ADTRP: variants seen among roughly 807,000 people sequenced by gnomAD.
The protein encoded by ADTRP is androgen dependent TFPI regulating protein.
Under a neutral mutation model 27.0 loss-of-function variants are expected in ADTRP, and 20 were observed. The ratio of observed to expected loss-of-function variants is 0.74; its 90% CI spans 0.52 to 1.08. ADTRP has a LOEUF of 1.08. Among genes scored for constraint, ADTRP ranks in the 50% least tolerant of loss-of-function variants. ADTRP has a pLI of 0.00. For synonymous variants in ADTRP, 101 were observed against 105.2 expected (o/e 0.96, Z 0.25); for missense variants, 251 against 275.0 (o/e 0.91, Z 0.62).
intron 1 of ADTRP, among the ~76,000 whole-genome samples, chr6:11,769,677 T>C (rs747632226): frequency 2.0e-5 from 3 of 151,658 alleles, no homozygotes; most frequent in Non-Finnish European, 4.4e-5. Flanking sequence ...CAAAATAATC[T>C]ATACTTATAT....
intron 3 of ADTRP, among the ~76,000 whole-genome samples, chr6:11,759,864 A>C (rs1034405032): frequency 6.6e-6 from 1 of 152,134 alleles, no homozygotes; most frequent in Non-Finnish European, 1.5e-5. Flanking sequence ...AGGCAGAACA[A>C]AAGGTGATGT....
chr6:11,754,768 A>G (rs565308228), intron 3 of ADTRP, among the ~76,000 whole-genome samples: 1 of 152,312 alleles, frequency 6.6e-6, no homozygotes, highest in South Asian at 2.1e-4. Context: ...ACGGAACTCC[A>G]CAGCCTACAG....
chr6:11,746,826 G>A (rs1253415570), intron 3 of ADTRP, among the ~76,000 whole-genome samples: 1 of 152,108 alleles, frequency 6.6e-6, no homozygotes, highest in African/African-American at 2.4e-5. Context: ...TTCCTTCCAG[G>A]CTAAGTCCTC....
At chr6:11,729,661 C>T (rs1046316730) in intron 4 of ADTRP, among the ~76,000 whole-genome samples, 6 of 152,280 alleles carry the variant, frequency 3.9e-5, no homozygotes, top group African/African-American at 1.2e-4. Context: ...AATGGAAATT[C>T]CTCCAGGCAG....
intron 3 of ADTRP, among the ~76,000 whole-genome samples, chr6:11,758,016 T>C (rs767536603): frequency 2.6e-5 from 4 of 152,180 alleles, no homozygotes; most frequent in Non-Finnish European, 5.9e-5. Context: ...CGGCTCAATA[T>C]TCCTCATACT....
intron 5 of ADTRP, among the ~76,000 whole-genome samples, chr6:11,718,765 G>T (rs1283631287): frequency 6.6e-6 from 1 of 152,250 alleles, no homozygotes; most frequent in African/African-American, 2.4e-5. Flanking sequence ...AGAAAGGCTA[G>T]CCCAGGGCAG....
At chr6:11,758,437 CT>C (rs578227105) in intron 3 of ADTRP, among the ~76,000 whole-genome samples, 4 of 151,738 alleles carry the variant, frequency 2.6e-5, no homozygotes, top group African/African-American at 7.3e-5. Context: ...AAGAAAGTGG[CT>C]TTTTTTTCAT....
At chr6:11,726,698 A>G (rs1211011682) in intron 4 of ADTRP, among the ~76,000 whole-genome samples, 1 of 152,222 alleles carries the variant, frequency 6.6e-6, no homozygotes. Context: ...CAGTTTGGGA[A>G]GATGTAAAAG....
At chr6:11,729,328 T>C (rs565204280) in intron 4 of ADTRP, among the ~76,000 whole-genome samples, 15 of 152,146 alleles carry the variant, frequency 9.9e-5, no homozygotes, top group African/African-American at 3.4e-4. Context: ...ATGAGAGTCA[T>C]TGGGGTGGCA....
intron 5 of ADTRP, among the ~76,000 whole-genome samples, chr6:11,716,313 A>G (rs1761822106): frequency 6.6e-6 from 1 of 152,162 alleles, no homozygotes; most frequent in African/African-American, 2.4e-5. Flanking sequence ...TTCTCCATTT[A>G]AGAAATGCAA....
intron 4 of ADTRP, among the ~76,000 whole-genome samples, chr6:11,726,676 C>T (rs147395037): frequency 3.9e-5 from 6 of 152,240 alleles, no homozygotes; most frequent in Admixed American, 2.0e-4. Flanking sequence ...TATTGTTTAA[C>T]GGGTAGACTT....
At chr6:11,716,332 G>A (rs1413344) in intron 5 of ADTRP, among the ~76,000 whole-genome samples, 70,591 of 151,974 alleles carry the variant, frequency 0.46, 18,010 homozygotes, top group Non-Finnish European at 0.59. Flanking sequence ...AACAGAACAC[G>A]AAGGTTTGGA....
intron 5 of ADTRP, among the ~76,000 whole-genome samples, chr6:11,723,009 G>A (rs1762066806): frequency 6.6e-6 from 1 of 152,200 alleles, no homozygotes; most frequent in Non-Finnish European, 1.5e-5. Context: ...GTTAGGGGGA[G>A]ACCCCTGATT....
chr6:11,736,940 C>A (rs1281147310), intron 3 of ADTRP, among the ~76,000 whole-genome samples: 1 of 152,060 alleles, frequency 6.6e-6, no homozygotes, highest in East Asian at 1.9e-4. Flanking sequence ...CCCCTCCTTC[C>A]CTGCATCACC....
At chr6:11,748,938 G>C (rs1365892277) in intron 3 of ADTRP, among the ~76,000 whole-genome samples, 1 of 152,196 alleles carries the variant, frequency 6.6e-6, no homozygotes, top group African/African-American at 2.4e-5. Flanking sequence ...AAGGAGTTCA[G>C]GTTTATTCCA....
chr6:11,715,305 C>T (rs1761775162), intron 5 of ADTRP, among the ~76,000 whole-genome samples: 1 of 152,206 alleles, frequency 6.6e-6, no homozygotes, highest in Non-Finnish European at 1.5e-5. Flanking sequence ...CCACCTTCAT[C>T]AATTCTATCC....
intron 3 of ADTRP, among the ~76,000 whole-genome samples, chr6:11,758,087 A>T (rs556032862): frequency 6.6e-6 from 1 of 152,248 alleles, no homozygotes; most frequent in East Asian, 1.9e-4. Flanking sequence ...TCTCCAACTC[A>T]TTCATCATCT....
In ADTRP at chr6:11,775,770, G is replaced by A. The variant is rs148853056; in HGVS notation, c.153+2837C>T. 1.2e-4 allele frequency among the ~76,000 whole-genome samples: 19 copies of A among 152,258 alleles called. No individual in the cohort carries two copies. The East Asian group carries it at 3.7e-3, about 29-fold the overall frequency. Reference sequence around the variant, plus strand: ...TGGGATAGCTTCAAGGGGAACTGGGGCAATGCTCACAGTGCCAACTGGCAC... The same window carrying A: ...TGGGATAGCTTCAAGGGGAACTGGGACAATGCTCACAGTGCCAACTGGCAC... On this transcript the variant is annotated intron_variant, in intron 1 of 5. Transcript: ENST00000414691.
chr6:11,775,816 C>T (rs1458546679), intron 1 of ADTRP, among the ~76,000 whole-genome samples: 5 of 152,118 alleles, frequency 3.3e-5, no homozygotes. Flanking sequence ...TTTGCTCTTA[C>T]AAAGGGGACA....
Sources: allele counts gnomAD v4.1 joint callset (sites outside exome capture counted in the v4.1 genomes callset), GRCh38; gene constraint gnomAD v4.1.1; transcripts MANE v1.5; gene names NCBI Gene and HGNC (gene_info 2026-07-23, HGNC 2026-07-21).